The following SDK1 variants were observed in gnomAD, a reference collection of about 807,000 sequenced individuals.
SDK1 encodes the protein protein sidekick-1.
SDK1 carries 157 observed loss-of-function variants against 245.5 expected under a neutral mutation model. That is an observed-to-expected ratio of 0.64 (90% CI 0.56 to 0.73). SDK1 has a LOEUF of 0.73. Ranked by LOEUF, SDK1 falls within the 30% of genes least tolerant of loss-of-function variation. The probability of loss-of-function intolerance (pLI) is 0.00; values close to 1 mark genes in which losing one functional copy is unlikely to be tolerated. For missense variants in SDK1, 3,583 were observed against 3,002.3 expected (o/e 1.19, Z -4.52); for synonymous variants, 1,647 against 1,278.5 (o/e 1.29, Z -6.15).
intron 1 of SDK1, among the ~76,000 whole-genome samples, chr7:3,579,031 T>A (rs1322272130): frequency 6.6e-6 from 1 of 151,962 alleles, no homozygotes; most frequent in Non-Finnish European, 1.5e-5. Context: ...ACAATTTATG[T>A]TCCTCTGCCG....
intron 1 of SDK1, among the ~76,000 whole-genome samples, chr7:3,426,307 G>C (rs1779674730): frequency 6.6e-6 from 1 of 152,166 alleles, no homozygotes; most frequent in African/African-American, 2.4e-5. Flanking sequence ...GCGTCACTGA[G>C]TGATAAGGGT....
chr7:3,750,421 A>G (rs1779740566), intron 4 of SDK1, among the ~76,000 whole-genome samples: 1 of 152,250 alleles, frequency 6.6e-6, no homozygotes, highest in Non-Finnish European at 1.5e-5. Flanking sequence ...TTAGAGAATC[A>G]ACTCTTCAGT....
At chr7:3,393,361 A>G (rs552712086) in intron 1 of SDK1, among the ~76,000 whole-genome samples, 9 of 152,180 alleles carry the variant, frequency 5.9e-5, no homozygotes, top group Non-Finnish European at 1.3e-4. Flanking sequence ...GGAAATGCCA[A>G]AATGTTTTTC....
At chr7:4,243,954 A>G (rs531424409) in intron 43 of SDK1, among the ~76,000 whole-genome samples, 1 of 152,170 alleles carries the variant, frequency 6.6e-6, no homozygotes, top group Non-Finnish European at 1.5e-5. Flanking sequence ...GGAAGACACC[A>G]TTTTAGCTCC....
rs888151356 is a variant in SDK1, at chr7:3,908,859, CAG to C, written c.848-42060_848-42059del. On this transcript the variant is annotated intron_variant, in intron 5 of 44. Coordinates refer to ENST00000404826, the MANE Select transcript of SDK1 (RefSeq NM_152744.4). The stretch of plus-strand genomic sequence containing the variant: ...TTTTTTTTTTTGGTACCTTAGAATA[CAG>C]AGACAGTGATCCACATTAGAAAGGT... 2.0e-5 allele frequency among the ~76,000 whole-genome samples: 3 copies of C among 148,010 alleles called. No homozygotes were observed. The Admixed American group carries it at 2.0e-4, about 10-fold the overall frequency.
chr7:3,999,268 C>T (rs1389666296), intron 14 of SDK1, among the ~76,000 whole-genome samples: 4 of 152,180 alleles, frequency 2.6e-5, no homozygotes, highest in East Asian at 3.8e-4. Context: ...AGTCAGTTCA[C>T]GCAAGTCTGC....
intron 5 of SDK1, among the ~76,000 whole-genome samples, chr7:3,913,292 CTTT>C (rs1290723820): frequency 3.0e-5 from 4 of 135,190 alleles, no homozygotes; most frequent in Non-Finnish European, 3.2e-5. Flanking sequence ...TTACACTTAT[CTTT>C]TTTTTTTTTT....
At chr7:3,329,831 T>C (rs1262573538) in intron 1 of SDK1, among the ~76,000 whole-genome samples, 1 of 152,248 alleles carries the variant, frequency 6.6e-6, no homozygotes, top group African/African-American at 2.4e-5. Flanking sequence ...CAATGCAGTA[T>C]AACAACTACT....
chr7:3,655,999 A>G (rs1188610761), intron 4 of SDK1, among the ~76,000 whole-genome samples: 2 of 152,206 alleles, frequency 1.3e-5, no homozygotes, highest in Non-Finnish European at 2.9e-5. Context: ...CTAAACCGTG[A>G]AGTACGCATG....
intron 1 of SDK1, among the ~76,000 whole-genome samples, chr7:3,366,108 G>A (rs765654998): frequency 6.6e-6 from 1 of 150,664 alleles, no homozygotes; most frequent in Non-Finnish European, 1.5e-5. Flanking sequence ...TGTTAATAGT[G>A]GTTTATTTCT....
At chr7:4,219,739 C>T (rs1584473990) in intron 38 of SDK1, among the ~76,000 whole-genome samples, 1 of 152,220 alleles carries the variant, frequency 6.6e-6, no homozygotes, top group East Asian at 1.9e-4. Flanking sequence ...AGCTCAGAGC[C>T]AAGTGGGAAG....
chr7:3,850,835 A>G (rs892685960), intron 5 of SDK1, among the ~76,000 whole-genome samples: 2 of 143,742 alleles, frequency 1.4e-5, no homozygotes, highest in African/African-American at 5.0e-5. Context: ...AGGAAGGGGA[A>G]CATCACACAC....
At chr7:3,505,944 ATTTATT>A (rs1436582454) in intron 1 of SDK1, among the ~76,000 whole-genome samples, 1 of 151,892 alleles carries the variant, frequency 6.6e-6, no homozygotes, top group Non-Finnish European at 1.5e-5. Flanking sequence ...TGCATTTTAT[ATTTATT>A]TTTATGTTTG....
intron 5 of SDK1, among the ~76,000 whole-genome samples, chr7:3,872,070 AT>A (rs1780969742): frequency 6.6e-6 from 1 of 151,498 alleles, no homozygotes; most frequent in Admixed American, 6.6e-5. Flanking sequence ...GTTTTTTCTT[AT>A]TTAGTCTGTT....
chr7:3,302,881 A>G (rs1779315805), intron 1 of SDK1, among the ~76,000 whole-genome samples: 1 of 152,198 alleles, frequency 6.6e-6, no homozygotes, highest in Non-Finnish European at 1.5e-5. Flanking sequence ...CGAAGATGAG[A>G]GCATTAAACT....
rs984087748 is a variant in SDK1, at chr7:4,175,665, G to C, written c.4937-110G>C. On this transcript the variant is annotated intron_variant, in intron 33 of 44. Transcript: ENST00000404826. ...TGCCCCGGGAGGCGCAGCGTGGGAA[G>C]TGGCTGGCATCCCAGTAAGGCACCT... 1.1e-5 allele frequency: 10 copies of C among 900,132 alleles called. No homozygotes were observed. In the African/African-American group the frequency reaches 1.6e-4, roughly 15 times the overall value. The allele number at this position is 900,132 out of a possible 1,614,324, so 55.8% of individuals were successfully genotyped here. A position where few individuals can be genotyped will look rare whatever the true frequency, so the allele number is the denominator to read the frequency against.
intron 19 of SDK1, among the ~76,000 whole-genome samples, chr7:4,058,886 A>G (rs1779365549): frequency 6.6e-6 from 1 of 152,164 alleles, no homozygotes; most frequent in Admixed American, 6.5e-5. Context: ...AACAATATCT[A>G]CCATCATGAA....
chr7:3,423,488 G>A (rs1175422455), intron 1 of SDK1, among the ~76,000 whole-genome samples: 1 of 151,760 alleles, frequency 6.6e-6, no homozygotes, highest in Non-Finnish European at 1.5e-5. Context: ...TTTTTTGGGG[G>A]CAGTGAGAAT....
chr7:3,561,561 G>A (rs934478738), intron 1 of SDK1, among the ~76,000 whole-genome samples: 1 of 152,174 alleles, frequency 6.6e-6, no homozygotes, highest in Non-Finnish European at 1.5e-5. Context: ...TTCCCTAAAT[G>A]GTAGTTACGG....
Sources: allele counts gnomAD v4.1 joint callset (sites outside exome capture counted in the v4.1 genomes callset), GRCh38; gene constraint gnomAD v4.1.1; transcripts MANE v1.5; gene names NCBI Gene and HGNC (gene_info 2026-07-23, HGNC 2026-07-21).